Variants in NINL observed in about 807,000 individuals in gnomAD.
NINL encodes ninein-like protein.
Under a neutral mutation model 160.3 loss-of-function variants are expected in NINL, and 153 were observed. The observed-to-expected ratio is 0.95, with a 90% CI of 0.84 to 1.09. The LOEUF is 1.09. Among genes scored for constraint, NINL ranks in the 50% least tolerant of loss-of-function variants. NINL has a pLI of 0.00. For synonymous variants in NINL, 800 were observed against 734.8 expected (o/e 1.09, Z -1.43); for missense variants, 1,829 against 1,764.0 (o/e 1.04, Z -0.66).
intron 23 of NINL, among the ~76,000 whole-genome samples, chr20:25,455,246 C>T (rs938704607): frequency 3.3e-5 from 5 of 152,176 alleles, no homozygotes; most frequent in Admixed American, 3.3e-4. Context: ...ACCACCCCAC[C>T]GGCTCCTTCC....
At chr20:25,483,269 G>T (rs2063435138) in intron 13 of NINL, among the ~76,000 whole-genome samples, 1 of 152,046 alleles carries the variant, frequency 6.6e-6, no homozygotes, top group Non-Finnish European at 1.5e-5. Context: ...AGGAGGCAGA[G>T]GTTGCAGTGA....
Position 25,500,985 on chromosome 20 carries a change from G to A in NINL, c.887C>T (p.Thr296Ile). The A allele has an allele frequency of 6.2e-7, 1 of 1,613,936 alleles. No individual in the cohort carries two copies. Among genetic ancestry groups the A allele is most frequent in the Non-Finnish European group, 8.5e-7 (1 of 1,179,992 alleles). ...GGACACGAGGGATGAGGTTGTGGTG[G>A]TGTGGCAGCCGCTCTCCTCTGGGAC... ...YQVPEESGCH[T>I]TTTSSLVSLC... is the part of the protein sequence containing the mutation. Residue 296 changes from threonine (T) to isoleucine (I), a missense_variant, in exon 8 of 24, where the codon ACC becomes ATC. Coordinates refer to ENST00000278886, the MANE Select transcript of NINL (RefSeq NM_025176.6).
chr20:25,505,041 G>T lies in NINL; in HGVS notation c.555C>A (p.Ser185Arg), dbSNP rs532756641. 17 of 1,607,438 alleles carry T rather than the reference G, an allele frequency of 1.1e-5. No individual in the cohort carries two copies. Among genetic ancestry groups the T allele is most frequent in the Non-Finnish European group, 1.4e-5 (16 of 1,176,394 alleles). The stretch of plus-strand genomic sequence containing the variant: ...AGGAGGGGCTGCAGGACTTCTGGGG[G>T]CTCCCAAAGTCCTCAGAATCCCAGG... ...LQTWDSEDFG[S>R]PQKSCSPSFD... The change falls in exon 6 of 24, where the codon AGC becomes AGA. Residue 185 changes from serine (S) to arginine (R), a missense_variant. Transcript: ENST00000278886.
At chr20:25,497,308 T>C (rs184805926) in intron 9 of NINL, among the ~76,000 whole-genome samples, 70 of 152,352 alleles carry the variant, frequency 4.6e-4, no homozygotes, top group African/African-American at 1.7e-3. Context: ...CTGGCCACCC[T>C]GACCCAGCTG....
chr20:25,488,392 A>G (rs1372887272), intron 13 of NINL, among the ~76,000 whole-genome samples: 1 of 151,890 alleles, frequency 6.6e-6, no homozygotes, highest in Non-Finnish European at 1.5e-5. Flanking sequence ...CACCCAGCTG[A>G]TTTTTGTATT....
chr20:25,564,056 A>G (rs1157743959), intron 1 of NINL, among the ~76,000 whole-genome samples: 1 of 152,152 alleles, frequency 6.6e-6, no homozygotes, highest in African/African-American at 2.4e-5. Context: ...CTACAAAAAA[A>G]TCAAAATATT....
chr20:25,521,915 T>A (rs2064270186), intron 2 of NINL, among the ~76,000 whole-genome samples: 1 of 152,174 alleles, frequency 6.6e-6, no homozygotes, highest in African/African-American at 2.4e-5. Flanking sequence ...TCTGGGTACT[T>A]AATTTACTAC....
chr20:25,486,277 T>C (rs1355471216), intron 13 of NINL, among the ~76,000 whole-genome samples: 1 of 152,246 alleles, frequency 6.6e-6, no homozygotes, highest in Non-Finnish European at 1.5e-5. Flanking sequence ...GGGAAATATC[T>C]GAATAAATAG....
chr20:25,475,855 C>G (rs1282840636), intron 17 of NINL, among the ~76,000 whole-genome samples, 188 bp downstream of exon 17: 1 of 152,158 alleles, frequency 6.6e-6, no homozygotes, highest in Non-Finnish European at 1.5e-5. Context: ...ACCAGATGAC[C>G]GTGGCATTCC....
intron 21 of NINL, chr20:25,458,860 C>G: frequency 3.4e-6 from 1 of 295,748 alleles, no homozygotes; most frequent in Non-Finnish European, 6.3e-6. Context: ...TCTTTTCAAA[C>G]AACGACCACG....
At chr20:25,543,742 A>G (rs2064697600) in intron 1 of NINL, among the ~76,000 whole-genome samples, 1 of 152,182 alleles carries the variant, frequency 6.6e-6, no homozygotes, top group African/African-American at 2.4e-5. Flanking sequence ...ATGTTGCACA[A>G]GAGTGTAACA....
intron 22 of NINL, among the ~76,000 whole-genome samples, chr20:25,458,182 G>A (rs2090739424): frequency 6.6e-6 from 1 of 152,176 alleles, no homozygotes; most frequent in South Asian, 2.1e-4. Context: ...ACCATCTCAG[G>A]GGCCACCTGT....
intron 8 of NINL, 124 bp from the exon 9 acceptor site, chr20:25,498,470 C>T (rs1290015965): frequency 7.8e-6 from 10 of 1,285,710 alleles, no homozygotes; most frequent in Non-Finnish European, 1.1e-5. Context: ...CCTGCCCCTC[C>T]TGTCTGCCAA....
intron 1 of NINL, among the ~76,000 whole-genome samples, chr20:25,559,762 G>A (rs1051303328): frequency 3.3e-5 from 5 of 150,056 alleles, no homozygotes; most frequent in South Asian, 2.1e-4. Flanking sequence ...CACCACACCC[G>A]ACTATTTTTT....
At chr20:25,539,009 G>A (rs767228693) in intron 1 of NINL, among the ~76,000 whole-genome samples, 1 of 152,166 alleles carries the variant, frequency 6.6e-6, no homozygotes, top group Non-Finnish European at 1.5e-5. Context: ...TGACATGAGT[G>A]CTGCCCTTTA....
chr20:25,541,136 G>A (rs933224640), intron 1 of NINL, among the ~76,000 whole-genome samples: 8 of 152,036 alleles, frequency 5.3e-5, no homozygotes, highest in Non-Finnish European at 7.4e-5. Flanking sequence ...AAGACACCTC[G>A]GTACCTATCA....
rs757670129 is a variant in NINL, at chr20:25,491,492, G to A, written c.1344C>T (p.Ser448=). The A allele has an allele frequency of 8.8e-5, 142 of 1,613,890 alleles. No homozygotes were observed. In the South Asian group the frequency reaches 1.5e-3, roughly 17 times the overall value. The part of the protein sequence containing the change: ...HLEQGYRERL[S]LLRSEVEAER... ...CCGCCTCCACCTCAGACCGCAGGAG[G>A]CTCAGCCTTTCCCGGTACCCCTGCT... Residue 448 remains serine, a synonymous_variant, in exon 11 of 24, where the codon AGC becomes AGT. Transcript: ENST00000278886.
At chr20:25,469,897 ACACTTCC>A in intron 18 of NINL, 87 bp downstream of exon 18, 1 of 821,072 alleles carries the variant, frequency 1.2e-6, no homozygotes, top group South Asian at 1.5e-5. Context: ...TAATCTGAGA[ACACTTCC>A]CACTGTCTAT....
At chr20:25,474,319 C>T (rs2063178924) in intron 17 of NINL, among the ~76,000 whole-genome samples, 1 of 152,212 alleles carries the variant, frequency 6.6e-6, no homozygotes, top group South Asian at 2.1e-4. Flanking sequence ...CCAAGGAGAC[C>T]CTTTCCTCTT....
Sources: gnomAD v4.1 joint callset for allele counts (sites outside exome capture counted in the v4.1 genomes callset) on GRCh38, gnomAD v4.1.1 for gene constraint, MANE v1.5 for transcripts, NCBI Gene and HGNC (gene_info 2026-07-23, HGNC 2026-07-21) for gene names.